Variants in SDC3 observed in about 807,000 individuals in gnomAD.
The protein encoded by SDC3 is syndecan 3.
Under a neutral mutation model 24.4 loss-of-function variants are expected in SDC3, and 13 were observed. The observed-to-expected ratio is 0.53, with a 90% CI of 0.35 to 0.85. The LOEUF (loss-of-function observed/expected upper bound fraction) is 0.85. Among genes scored for constraint, SDC3 ranks in the 40% least tolerant of loss-of-function variants. SDC3 has a pLI of 0.01. For synonymous variants in SDC3, 295 were observed against 260.9 expected (o/e 1.13, Z -1.26); for missense variants, 571 against 584.5 (o/e 0.98, Z 0.24).
rs1290752383 is a variant in SDC3, at chr1:30,870,208, C to T, written c.*3003G>A. ...GGGGTTTGGCCCACACACCCTAAGCCCTGCCCAGCCCTGGTTGCCACCCAC... is the reference window on the plus strand; with the variant it reads ...GGGGTTTGGCCCACACACCCTAAGCTCTGCCCAGCCCTGGTTGCCACCCAC... On this transcript the variant is annotated 3_prime_UTR_variant, in exon 5 of 5. Transcript: ENST00000339394. 3 of 290,610 alleles carry T rather than the reference C, an allele frequency of 1.0e-5. No homozygotes were observed. Among genetic ancestry groups the T allele is most frequent in the African/African-American group, 6.5e-5 (3 of 46,132 alleles). 18.0% of individuals were successfully genotyped at this position (290,610 alleles called of 1,614,324 possible). A position where few individuals can be genotyped will look rare whatever the true frequency, so the allele number is the denominator to read the frequency against.
Position 30,873,014 on chromosome 1 carries a change from C to A in SDC3, c.*197G>T. The A allele has an allele frequency of 1.7e-6, 1 of 603,986 alleles. No homozygotes were observed. Among genetic ancestry groups the A allele is most frequent in the South Asian group, 2.0e-5 (1 of 50,936 alleles). 37.4% of individuals were successfully genotyped at this position (603,986 alleles called of 1,614,324 possible). On this transcript the variant is annotated 3_prime_UTR_variant, in exon 5 of 5. Coordinates refer to ENST00000339394, the MANE Select transcript of SDC3 (RefSeq NM_014654.4). ...AGAGATGAGCTCGTAAGGGCACAGT[C>A]TGGGGCAGATGGCAGCAGCCCCTCT...
intron 1 of SDC3, among the ~76,000 whole-genome samples, chr1:30,901,733 C>T (rs1053590205): frequency 6.6e-6 from 1 of 152,092 alleles, no homozygotes; most frequent in Non-Finnish European, 1.5e-5. Context: ...GAAAACCCTG[C>T]TCCTCACCCC....
In SDC3 at chr1:30,869,646, T is replaced by A; in HGVS notation, c.*3565A>T. ...GCGCCTTGGTCTCTTTTTTCCACTG[T>A]CTTTTTCTTTTGTTTTTCTTATTTA... On this transcript the variant is annotated 3_prime_UTR_variant, in exon 5 of 5. Transcript: ENST00000339394. The A allele has an allele frequency of 2.5e-6, 1 of 398,500 alleles. No individual in the cohort carries two copies. Among genetic ancestry groups the A allele is most frequent in the Non-Finnish European group, 4.4e-6 (1 of 226,086 alleles). The allele number at this position is 398,500 out of a possible 1,614,324, so 24.7% of individuals were successfully genotyped here.
chr1:30,894,338 T>G (rs376901502), intron 1 of SDC3, among the ~76,000 whole-genome samples: 22 of 71,202 alleles, frequency 3.1e-4, no homozygotes, highest in East Asian at 2.0e-3. Context: ...TGAGTGTGTG[T>G]GGGGTGTGTG....
intron 1 of SDC3, among the ~76,000 whole-genome samples, chr1:30,883,133 G>C (rs927704193): frequency 6.6e-6 from 1 of 152,174 alleles, no homozygotes; most frequent in African/African-American, 2.4e-5. Context: ...TTAATGCCCG[G>C]AGAGGTTAAG....
rs1491253938 is a variant in SDC3 at position 30,881,028 on chromosome 1, C to CAA, written c.139-2289_139-2288insTT. ...CCCCCAAGACACGCGCGCACGCATGCACACACACACACACACACACACACA... is the reference window on the plus strand; with the variant it reads ...CCCCCAAGACACGCGCGCACGCATGCAAACACACACACACACACACACACACA... On this transcript the variant is annotated intron_variant, in intron 1 of 4. Transcript: ENST00000339394. 2.2e-3 allele frequency among the ~76,000 whole-genome samples: 264 copies of CAA among 120,950 alleles called. 4 individuals carry two copies. The East Asian group carries it at 0.04, about 18-fold the overall frequency. The allele number at this position is 120,950 out of a possible 152,430, so 79.3% of individuals were successfully genotyped here. A position where few individuals can be genotyped will look rare whatever the true frequency, so the allele number is the denominator to read the frequency against.
At chr1:30,895,498 C>T (rs1163576252) in intron 1 of SDC3, among the ~76,000 whole-genome samples, 2 of 152,312 alleles carry the variant, frequency 1.3e-5, no homozygotes, top group Non-Finnish European at 2.9e-5. Context: ...CCACTTCTCA[C>T]TGCTGAGTGA....
rs1288900994 is a variant in SDC3 at position 30,870,959 on chromosome 1, G to C, written c.*2252C>G. On this transcript the variant is annotated 3_prime_UTR_variant, in exon 5 of 5. Coordinates refer to ENST00000339394, the MANE Select transcript of SDC3 (RefSeq NM_014654.4). ...GCAGCACCCCAGGGAGCAGGGTAGG[G>C]AGGCTGAGCCTTGTGGTCTGTGGCC... The C allele has an allele frequency of 6.6e-6, 1 of 152,422 alleles. No individual in the cohort carries two copies. Among genetic ancestry groups the C allele is most frequent in the African/African-American group, 2.4e-5 (1 of 41,458 alleles). 9.4% of individuals were successfully genotyped at this position (152,422 alleles called of 1,614,324 possible). A position where few individuals can be genotyped will look rare whatever the true frequency, so the allele number is the denominator to read the frequency against.
At chr1:30,898,058 G>A (rs1227153652) in intron 1 of SDC3, among the ~76,000 whole-genome samples, 1 of 129,464 alleles carries the variant, frequency 7.7e-6, no homozygotes, top group African/African-American at 3.2e-5. Flanking sequence ...GAGGACCTGT[G>A]GGGTTCAACT....
Position 30,876,850 on chromosome 1 carries a change from G to C in SDC3, c.572C>G (p.Pro191Arg), listed in dbSNP as rs1460395467. Residue 191 changes from proline (P) to arginine (R), a missense_variant, in exon 3 of 5, where the codon CCT (proline) becomes CGT (arginine). Physicochemically the swap from Pro to Arg is moderately radical, Grantham distance 103 (BLOSUM62 -2). Transcript: ENST00000339394. ...ATVATATPSTPAAPPFTATTA... is the reference protein window; with the variant it reads ...ATVATATPSTRAAPPFTATTA... Reference sequence around the variant, plus strand: ...GGTGGCCGTAAAAGGGGGTGCTGCAGGGGTGCTGGGGGTGGCGGTGGCCAC... The same window carrying C: ...GGTGGCCGTAAAAGGGGGTGCTGCACGGGTGCTGGGGGTGGCGGTGGCCAC... The C allele has an allele frequency of 1.2e-6, 2 of 1,613,282 alleles. No individual in the cohort carries two copies. Among genetic ancestry groups the C allele is most frequent in the African/African-American group, 1.3e-5 (1 of 74,892 alleles).
chr1:30,907,303 GA>G (rs1460200280), intron 1 of SDC3, among the ~76,000 whole-genome samples: 1 of 152,178 alleles, frequency 6.6e-6, no homozygotes, highest in East Asian at 1.9e-4. Context: ...CTCAAAGGGG[GA>G]TGAGGTCCTT....
At chr1:30,895,083 G>C (rs1191305554) in intron 1 of SDC3, among the ~76,000 whole-genome samples, 1 of 152,056 alleles carries the variant, frequency 6.6e-6, no homozygotes, top group Non-Finnish European at 1.5e-5. Flanking sequence ...ACAGTGTTGC[G>C]GGTAAGCCCC....
At chr1:30,899,583 G>A (rs1390061666) in intron 1 of SDC3, among the ~76,000 whole-genome samples, 7 of 152,050 alleles carry the variant, frequency 4.6e-5, no homozygotes, top group Admixed American at 2.0e-4. Flanking sequence ...TCTTGGCCAG[G>A]TGGGTCTTGA....
chr1:30,894,021 G>A (rs1239277222), intron 1 of SDC3, among the ~76,000 whole-genome samples: 1 of 152,048 alleles, frequency 6.6e-6, no homozygotes, highest in African/African-American at 2.4e-5. Flanking sequence ...CCTCTAACGA[G>A]GCCAGATGAC....
chr1:30,875,513 G>C (rs1054634024), intron 3 of SDC3, among the ~76,000 whole-genome samples: 1 of 152,164 alleles, frequency 6.6e-6, no homozygotes, highest in Non-Finnish European at 1.5e-5. Context: ...GCAGCGCCAC[G>C]GCCCAAGGGC....
chr1:30,878,366 C>A (rs1639684018), intron 2 of SDC3: 2 of 419,402 alleles, frequency 4.8e-6, no homozygotes, highest in East Asian at 8.0e-5. Context: ...AGCCACATAG[C>A]ACACACAAAG....
At chr1:30,873,506 G>A (rs1446901684) in intron 4 of SDC3, 129 bp from the exon 5 acceptor site, 2 of 639,128 alleles carry the variant, frequency 3.1e-6, no homozygotes, top group African/African-American at 1.8e-5. Context: ...TGATGATGGA[G>A]TCAATACTAC....
intron 1 of SDC3, among the ~76,000 whole-genome samples, chr1:30,893,961 C>A (rs1379156757): frequency 6.6e-6 from 1 of 152,030 alleles, no homozygotes; most frequent in Non-Finnish European, 1.5e-5. Context: ...GAAAACAAAG[C>A]TCTGAGGCCC....
chr1:30,901,323 C>G (rs1416118548), intron 1 of SDC3, among the ~76,000 whole-genome samples: 1 of 152,186 alleles, frequency 6.6e-6, no homozygotes, highest in Non-Finnish European at 1.5e-5. Flanking sequence ...TGAGATCCTG[C>G]GTAAACATCA....
Sources: allele counts gnomAD v4.1 joint callset (sites outside exome capture counted in the v4.1 genomes callset), GRCh38; gene constraint gnomAD v4.1.1; transcripts MANE v1.5; gene names NCBI Gene and HGNC (gene_info 2026-07-23, HGNC 2026-07-21).